Variants in CACNA1G observed in about 807,000 individuals in gnomAD.
The protein encoded by CACNA1G is calcium voltage-gated channel subunit alpha1 G.
A neutral mutation model predicts 219.4 loss-of-function variants in CACNA1G; 67 were observed. The observed-to-expected ratio is 0.31, with a 90% CI of 0.25 to 0.37. The LOEUF (loss-of-function observed/expected upper bound fraction) is 0.37, where lower values mean the gene tolerates loss of function less well. CACNA1G is among the 10% of genes least tolerant of loss of function. The pLI, the probability that CACNA1G is intolerant of heterozygous loss-of-function variation, is 1.00. For missense variants in CACNA1G, 2,380 were observed against 3,231.4 expected, an observed-to-expected ratio of 0.74 and a Z score of 6.39; for synonymous variants, 1,296 against 1,345.3, an observed-to-expected ratio of 0.96 and a Z score of 0.80.
chr17:50,589,912 C>CTCTGTGTGTG (rs1326523232), intron 9 of CACNA1G, among the ~76,000 whole-genome samples: 5 of 141,924 alleles, frequency 3.5e-5, no homozygotes, highest in African/African-American at 1.4e-4. Context: ...CTCTCTCTCT[C>CTCTGTGTGTG]TGTGTGTGTG....
Position 50,600,885 on chromosome 17 carries a change from AC to A in CACNA1G, c.3791+61del. 6.4e-7 allele frequency: 1 copy of A among 1,572,416 alleles called. No individual in the cohort carries two copies. Among genetic ancestry groups the A allele is most frequent in the Non-Finnish European group, 8.7e-7 (1 of 1,143,606 alleles). ...CGACCTCTTCTTCTCACGGGAAATT[AC>A]CGCTGGTGATGCTGTCAGGGATTTG... is the stretch of plus-strand genomic sequence containing the variant. On this transcript the variant is annotated intron_variant, in intron 18 of 37. Coordinates refer to ENST00000359106, the MANE Select transcript of CACNA1G (RefSeq NM_018896.5). The surrounding 1 kb of genome is among the most constrained non-coding windows in gnomAD (Gnocchi z 4.1).
intron 25 of CACNA1G, 138 bp from the exon 26 acceptor site, chr17:50,609,744 G>A: frequency 3.0e-6 from 2 of 673,718 alleles, no homozygotes; most frequent in South Asian, 3.8e-5. Flanking sequence ...TGGACATTCA[G>A]AGCCAGCCAC....
Position 50,572,654 on chromosome 17 carries a change from A to C in CACNA1G, c.847A>C (p.Arg283=), listed in dbSNP as rs1382048859. 2 of 1,606,422 alleles carry C rather than the reference A, an allele frequency of 1.2e-6. No individual in the cohort carries two copies. Among genetic ancestry groups the C allele is most frequent in the Non-Finnish European group, 1.7e-6 (2 of 1,176,634 alleles). ...QPRENGMRSC[R]SVPTLRGDGG... is the part of the protein sequence containing the mutation. ...ACGCGAGAACGGCATGCGGTCCTGCAGAAGCGTGCCCACGCTGCGCGGGGA... is the reference window on the plus strand; with the variant it reads ...ACGCGAGAACGGCATGCGGTCCTGCCGAAGCGTGCCCACGCTGCGCGGGGA... The change falls in exon 6 of 38, where the codon AGA becomes CGA. Residue 283 remains arginine (R), a synonymous_variant. Transcript: ENST00000359106.
chr17:50,593,318 T>C (rs898573621), intron 13 of CACNA1G, among the ~76,000 whole-genome samples: 1 of 152,210 alleles, frequency 6.6e-6, no homozygotes, highest in Non-Finnish European at 1.5e-5. Flanking sequence ...CCGGGCCCCC[T>C]GGCCCCTTCT....
Position 50,617,375 on chromosome 17 carries a change from G to A in CACNA1G, c.5022-63G>A, listed in dbSNP as rs192231360. 8.4e-6 allele frequency: 13 copies of A among 1,548,702 alleles called. No homozygotes were observed. Among genetic ancestry groups the A allele is most frequent in the African/African-American group, 2.7e-5 (2 of 73,594 alleles). ...TTCAAGCCCTGTCTTTCTGTGCCAC[G>A]ACTGCCCCCTCCTTCAGGAACCCCC... is the stretch of plus-strand genomic sequence containing the variant. On this transcript the variant is annotated intron_variant, in intron 28 of 37. Coordinates refer to ENST00000359106, the MANE Select transcript of CACNA1G (RefSeq NM_018896.5). This position sits in a 1 kb window ranked among gnomAD's most constrained non-coding sequence, Gnocchi z 5.8.
chr17:50,561,730 C>T (rs1248324289), intron 1 of CACNA1G, 29 bp downstream of exon 1: 2 of 1,437,770 alleles, frequency 1.4e-6, no homozygotes, highest in Non-Finnish European at 1.8e-6. Context: ...CGGCCAGGCG[C>T]GGGGTCAGAA....
In CACNA1G at chr17:50,561,223, G is replaced by T. The variant is rs1028020379; in HGVS notation, c.-237G>T. The T allele has an allele frequency of 1.8e-6, 1 of 555,854 alleles. No homozygotes were observed. The highest frequency in any genetic ancestry group is 3.4e-5 in the Admixed American group (1 of 29,596). 34.4% of individuals were successfully genotyped at this position (555,854 alleles called of 1,614,324 possible). A position where few individuals can be genotyped will look rare whatever the true frequency, so the allele number is the denominator to read the frequency against. On this transcript the variant is annotated 5_prime_UTR_variant, in exon 1 of 38. Coordinates refer to ENST00000359106, the MANE Select transcript of CACNA1G (RefSeq NM_018896.5). The stretch of plus-strand genomic sequence containing the variant: ...GGCTGGCCCGGGAAGCCCCAGGGGC[G>T]CAGGGGAAGCGGGACTCGCGCCGGG...
rs1411214199 is a variant in CACNA1G, at chr17:50,561,477, T to G, written c.18T>G (p.Asp6Glu). MDEEE[D>E]GAGAEESGQP... Reference sequence around the variant, plus strand: ...GCCAGAGGATGGACGAGGAGGAGGATGGAGCGGGCGCCGAGGAGTCGGGAC... The same window carrying G: ...GCCAGAGGATGGACGAGGAGGAGGAGGGAGCGGGCGCCGAGGAGTCGGGAC... Residue 6 changes from aspartate (D) to glutamate (E), a missense_variant, in exon 1 of 38, where the codon GAT becomes GAG. Asp to Glu is a conservative substitution (Grantham distance 45, BLOSUM62 2). Coordinates refer to ENST00000359106, the MANE Select transcript of CACNA1G (RefSeq NM_018896.5). 5 of 1,534,340 alleles carry G rather than the reference T, an allele frequency of 3.3e-6. No homozygotes were observed. Among genetic ancestry groups the G allele is most frequent in the East Asian group, 2.4e-5 (1 of 40,826 alleles).
At position 50,599,555 on chromosome 17, in the gene CACNA1G, G is replaced by A. The variant is rs1180552980; in HGVS notation, c.3386G>A (p.Arg1129Gln). ...CGGAGAAGCCCAAGTGGAGAGCGGCGGTCCCTGTTGTCGGGAGAAGGCCAG... is the reference window on the plus strand; with the variant it reads ...CGGAGAAGCCCAAGTGGAGAGCGGCAGTCCCTGTTGTCGGGAGAAGGCCAG... ...LKRRSPSGER[R>Q]SLLSGEGQES... The change falls in exon 17 of 38, where the codon CGG becomes CAG. Residue 1129 changes from arginine to glutamine, a missense_variant. By Grantham distance (43) the Arg-to-Gln change is conservative. Around this residue, in one of 17 missense-constraint regions of CACNA1G, gnomAD observed 418 missense variants for 434.3 expected, o/e 0.96. Transcript: ENST00000359106. 6.2e-6 allele frequency: 10 copies of A among 1,612,776 alleles called. No homozygotes were observed. The highest frequency in any genetic ancestry group is 4.4e-5 in the South Asian group (4 of 90,870).
At chr17:50,581,516 T>C (rs1333133475) in intron 9 of CACNA1G, among the ~76,000 whole-genome samples, 3 of 152,142 alleles carry the variant, frequency 2.0e-5, no homozygotes, top group Non-Finnish European at 4.4e-5. Context: ...ATCCCCTGGC[T>C]GACTCATCAT....
Position 50,615,474 on chromosome 17 carries a change from G to A in CACNA1G, c.4873G>A (p.Val1625Met), listed in dbSNP as rs1268320979. ...LFITGVIGLNVVTMAMEHYQQ... is the reference protein window; with the variant it reads ...LFITGVIGLNMVTMAMEHYQQ... ...CATCACAGGTGTCATCGGGCTGAACGTGGTCACCATGGCCATGGAGCACTA... is the reference window on the plus strand; with the variant it reads ...CATCACAGGTGTCATCGGGCTGAACATGGTCACCATGGCCATGGAGCACTA... Residue 1625 changes from valine (V) to methionine (M), a missense_variant, in exon 27 of 38, where the codon GTG (valine) becomes ATG (methionine). Val to Met is a conservative substitution (Grantham distance 21). Around this residue, in one of 17 missense-constraint regions of CACNA1G, gnomAD observed 123 missense variants for 258.4 expected, o/e 0.48. Coordinates refer to ENST00000359106, the MANE Select transcript of CACNA1G (RefSeq NM_018896.5). 1.2e-6 allele frequency: 2 copies of A among 1,613,686 alleles called. No individual in the cohort carries two copies. The highest frequency in any genetic ancestry group is 2.2e-5 in the East Asian group (1 of 44,870).
rs1230948316 is a variant in CACNA1G at position 50,596,643 on chromosome 17, G to T, written c.3061G>T (p.Ala1021Ser). The T allele has an allele frequency of 1.2e-6, 2 of 1,613,800 alleles. No individual in the cohort carries two copies. The highest frequency in any genetic ancestry group is 1.7e-6 in the Non-Finnish European group (2 of 1,179,838). Reference sequence around the variant, plus strand: ...TGATGGGGACAGGAAGAAGTGCTTGGCCTGTGAGTACCTATCCTGGGGTGC... The same window carrying T: ...TGATGGGGACAGGAAGAAGTGCTTGTCCTGTGAGTACCTATCCTGGGGTGC... ...DGDGDRKKCL[A>S]LVSLGEHPEL... The change falls in exon 15 of 38, where the codon GCC becomes TCC. Residue 1021 changes from alanine (A) to serine (S), a missense_variant. Around this residue, in one of 17 missense-constraint regions of CACNA1G, gnomAD observed 418 missense variants for 434.3 expected, o/e 0.96. Transcript: ENST00000359106. The surrounding 1 kb of genome is among the most constrained non-coding windows in gnomAD (Gnocchi z 4.8).
At chr17:50,580,935 G>C (rs761047466) in intron 9 of CACNA1G, among the ~76,000 whole-genome samples, 3 of 152,098 alleles carry the variant, frequency 2.0e-5, no homozygotes, top group Non-Finnish European at 4.4e-5. Context: ...GGCTGGGAGT[G>C]GGGGGTTGCC....
Position 50,591,530 on chromosome 17 carries a change from C to T in CACNA1G, c.2549C>T (p.Ala850Val), listed in dbSNP as rs779508150. 3.7e-6 allele frequency: 6 copies of T among 1,612,016 alleles called. No individual in the cohort carries two copies. Among genetic ancestry groups the T allele is most frequent in the Non-Finnish European group, 2.5e-6 (3 of 1,179,218 alleles). ...CTGAAGCTGGTGCGCTTCCTGCCGG[C>T]GCTGCAGCGGCAGCTGGTGGTGCTC... ...RVLKLVRFLP[A>V]LQRQLVVLMK... The change falls in exon 11 of 38, where the codon GCG becomes GTG. Residue 850 changes from alanine to valine, a missense_variant. Ala to Val is a moderately conservative substitution (Grantham distance 64). Around this residue, in one of 17 missense-constraint regions of CACNA1G, gnomAD observed 82 missense variants for 140.7 expected, o/e 0.58. Coordinates refer to ENST00000359106, the MANE Select transcript of CACNA1G (RefSeq NM_018896.5).
intron 16 of CACNA1G, among the ~76,000 whole-genome samples, chr17:50,597,493 A>C (rs1331975969): frequency 1.3e-5 from 2 of 152,090 alleles, no homozygotes; most frequent in African/African-American, 2.4e-5. Flanking sequence ...AATTTTTTTA[A>C]ATTTCGCTTT....
In CACNA1G at chr17:50,589,912, C is replaced by CTCTCTCTG. The variant is rs1326523232; in HGVS notation, c.2302-558_2302-557insCTCTCTGT. On this transcript the variant is annotated intron_variant, in intron 9 of 37. Transcript: ENST00000359106. ...TGCATTTTTCTCTCTCTCTCTCTCT[C>CTCTCTCTG]TGTGTGTGTGTGTGTGTGTGTGTGT... 4.1e-3 allele frequency among the ~76,000 whole-genome samples: 575 copies of CTCTCTCTG among 141,902 alleles called. 5 individuals are homozygous for CTCTCTCTG. Among genetic ancestry groups the CTCTCTCTG allele is most frequent in the African/African-American group, 0.014 (492 of 35,246 alleles). The allele number at this position is 141,902 out of a possible 152,430, so 93.1% of individuals were successfully genotyped here.
At position 50,571,742 on chromosome 17, in the gene CACNA1G, G is replaced by T; in HGVS notation, c.587-136G>T. ...TCTGGGGAGTCAGAGGTGTCTGTTG[G>T]TCTCCCCTCCAGCTTGAGCCGGGCC... On this transcript the variant is annotated intron_variant, in intron 4 of 37. Coordinates refer to ENST00000359106, the MANE Select transcript of CACNA1G (RefSeq NM_018896.5). This position sits in a 1 kb window ranked among gnomAD's most constrained non-coding sequence, Gnocchi z 4.3. 1.3e-6 allele frequency: 1 copy of T among 788,538 alleles called. No homozygotes were observed. 48.8% of individuals were successfully genotyped at this position (788,538 alleles called of 1,614,324 possible).
intron 26 of CACNA1G, among the ~76,000 whole-genome samples, chr17:50,613,715 C>T (rs2049780279): frequency 6.6e-6 from 1 of 152,228 alleles, no homozygotes; most frequent in African/African-American, 2.4e-5. Flanking sequence ...GTGCTCTCGG[C>T]ATTTATGGAG....
intron 9 of CACNA1G, among the ~76,000 whole-genome samples, chr17:50,586,348 C>T (rs1016597305): frequency 2.6e-5 from 4 of 152,156 alleles, no homozygotes; most frequent in Non-Finnish European, 4.4e-5. Flanking sequence ...CCCACCAGCC[C>T]CTCTCACCCT....
Sources: gnomAD v4.1 joint callset for allele counts (sites outside exome capture counted in the v4.1 genomes callset) on GRCh38, gnomAD v4.1.1 for gene constraint, gnomAD v4.1.1 regional missense constraint, Gnocchi (gnomAD v3.1) non-coding constraint, MANE v1.5 for transcripts, NCBI Gene and HGNC (gene_info 2026-07-23, HGNC 2026-07-21) for gene names.